The following PARD3B variants were observed in gnomAD, a reference collection of about 807,000 sequenced individuals.
The protein encoded by PARD3B is par-3 family cell polarity regulator beta.
Under a neutral mutation model 130.2 loss-of-function variants are expected in PARD3B, and 103 were observed. That is an observed-to-expected ratio of 0.79 (90% confidence interval 0.67 to 0.93). The LOEUF is 0.93. Among genes scored for constraint, PARD3B ranks in the 40% least tolerant of loss-of-function variants. The pLI, the probability that PARD3B is intolerant of heterozygous loss-of-function variation, is 0.00. For synonymous variants in PARD3B, 583 were observed against 553.2 expected, an observed-to-expected ratio of 1.05 and a Z score of -0.76; for missense variants, 1,609 against 1,499.2, an observed-to-expected ratio of 1.07 and a Z score of -1.21.
At chr2:205,069,218 T>A (rs576617734) in intron 4 of PARD3B, among the ~76,000 whole-genome samples, 1 of 152,240 alleles carries the variant, frequency 6.6e-6, no homozygotes. Context: ...TAGTAATTTT[T>A]CATTAAATCC....
chr2:204,586,553 C>T (rs544754421), intron 1 of PARD3B, among the ~76,000 whole-genome samples: 1 of 152,286 alleles, frequency 6.6e-6, no homozygotes, highest in East Asian at 1.9e-4. Flanking sequence ...AAATTGCCAA[C>T]CATGGGTCCC....
At chr2:205,313,503 C>G (rs771672711) in intron 18 of PARD3B, among the ~76,000 whole-genome samples, 7 of 152,114 alleles carry the variant, frequency 4.6e-5, no homozygotes, top group Non-Finnish European at 1.0e-4. Flanking sequence ...CCCCTCCTAC[C>G]CTATGTAATC....
chr2:204,602,561 A>G (rs1172815657), intron 1 of PARD3B, among the ~76,000 whole-genome samples: 5 of 152,074 alleles, frequency 3.3e-5, no homozygotes, highest in Non-Finnish European at 7.4e-5. Context: ...AGAGCCTTGT[A>G]CTTTAATCTG....
chr2:204,997,128 A>G (rs1295267920), intron 3 of PARD3B, among the ~76,000 whole-genome samples: 5 of 152,246 alleles, frequency 3.3e-5, no homozygotes, highest in Admixed American at 2.6e-4. Flanking sequence ...CATTCTTTCA[A>G]TTCTTGTAAT....
chr2:205,573,008 T>C (rs886287601), intron 22 of PARD3B, among the ~76,000 whole-genome samples: 2 of 152,152 alleles, frequency 1.3e-5, no homozygotes, highest in African/African-American at 2.4e-5. Context: ...CAGATCCTTC[T>C]TCACATGGCA....
chr2:205,113,157 T>A (rs1250149093), intron 5 of PARD3B, among the ~76,000 whole-genome samples: 1 of 152,160 alleles, frequency 6.6e-6, no homozygotes, highest in African/African-American at 2.4e-5. Context: ...TGTGTTTTAA[T>A]GGGGAAAATT....
At chr2:205,448,729 C>G (rs1302055608) in intron 20 of PARD3B, among the ~76,000 whole-genome samples, 1 of 152,130 alleles carries the variant, frequency 6.6e-6, no homozygotes, top group East Asian at 1.9e-4. Context: ...AATCAACACT[C>G]TTTGGGATCT....
intron 21 of PARD3B, among the ~76,000 whole-genome samples, chr2:205,533,152 G>C (rs888771187): frequency 1.3e-5 from 2 of 151,940 alleles, no homozygotes; most frequent in Non-Finnish European, 2.9e-5. Flanking sequence ...TTCACTCAAG[G>C]AAAATATTAG....
intron 14 of PARD3B, among the ~76,000 whole-genome samples, chr2:205,192,006 A>C (rs2036426068): frequency 6.6e-6 from 1 of 152,130 alleles, no homozygotes; most frequent in Non-Finnish European, 1.5e-5. Context: ...GGTGCATGCC[A>C]CCACACCTGG....
In PARD3B at chr2:205,300,859, T is replaced by A; in HGVS notation, c.2392+123T>A. Reference sequence around the variant, plus strand: ...AGGATCACAATTATATTTTTGATATTAAAAGTAATTCATTTTCCTGATATG... The same window carrying A: ...AGGATCACAATTATATTTTTGATATAAAAAGTAATTCATTTTCCTGATATG... On this transcript the variant is annotated intron_variant, in intron 17 of 22. Coordinates refer to ENST00000406610, the MANE Select transcript of PARD3B (RefSeq NM_001302769.2). This position sits in a 1 kb window ranked among gnomAD's most constrained non-coding sequence, Gnocchi z 4.1. 1.9e-6 allele frequency: 2 copies of A among 1,058,724 alleles called. No individual in the cohort carries two copies. The highest frequency in any genetic ancestry group is 2.7e-6 in the Non-Finnish European group (2 of 752,970). 65.6% of individuals were successfully genotyped at this position (1,058,724 alleles called of 1,614,324 possible).
intron 2 of PARD3B, among the ~76,000 whole-genome samples, chr2:204,808,704 G>A (rs2042860490): frequency 1.3e-5 from 2 of 152,090 alleles, no homozygotes; most frequent in Admixed American, 6.6e-5. Context: ...TGATATACAT[G>A]TACCACATTT....
chr2:205,240,096 A>G (rs898185940), intron 15 of PARD3B, among the ~76,000 whole-genome samples: 1 of 152,170 alleles, frequency 6.6e-6, no homozygotes, highest in Non-Finnish European at 1.5e-5. Context: ...CTATAGATTA[A>G]TGCAGTAATA....
chr2:204,949,823 A>G (rs368668327), intron 2 of PARD3B, among the ~76,000 whole-genome samples: 1 of 152,174 alleles, frequency 6.6e-6, no homozygotes, highest in African/African-American at 2.4e-5. Flanking sequence ...TCAGTCACCT[A>G]TTGGCCTGGG....
chr2:205,489,244 AT>A (rs1559140919), intron 20 of PARD3B, among the ~76,000 whole-genome samples: 1 of 152,108 alleles, frequency 6.6e-6, no homozygotes, highest in Non-Finnish European at 1.5e-5. Flanking sequence ...GACAATATGT[AT>A]CACACACTTA....
chr2:205,545,768 C>T (rs899030934), intron 21 of PARD3B, among the ~76,000 whole-genome samples: 7 of 152,110 alleles, frequency 4.6e-5, no homozygotes, highest in Non-Finnish European at 7.4e-5. Flanking sequence ...CATCAGCAGA[C>T]ATTTGCAGAA....
intron 4 of PARD3B, among the ~76,000 whole-genome samples, chr2:205,063,731 G>C (rs1700192266): frequency 6.6e-6 from 1 of 152,138 alleles, no homozygotes; most frequent in Non-Finnish European, 1.5e-5. Flanking sequence ...TTGTTTAGTT[G>C]TAAAGCAAAT....
intron 18 of PARD3B, among the ~76,000 whole-genome samples, chr2:205,330,026 TAAATAAATA>T (rs1239184287): frequency 1.5e-3 from 4 of 2,662 alleles, no homozygotes; most frequent in African/African-American, 4.5e-3. Context: ...AATAAATAAA[TAAATAAATA>T]AAATAAAATA....
intron 14 of PARD3B, among the ~76,000 whole-genome samples, chr2:205,186,882 G>T (rs896398349): frequency 6.6e-6 from 1 of 152,122 alleles, no homozygotes; most frequent in Non-Finnish European, 1.5e-5. Context: ...AATTGAAAAT[G>T]ACAATTTGGT....
chr2:205,274,513 A>G lies in PARD3B; in HGVS notation c.2186-26017A>G, dbSNP rs933416927. On this transcript the variant is annotated intron_variant, in intron 16 of 22. Transcript: ENST00000406610. The surrounding 1 kb of genome is among the most constrained non-coding windows in gnomAD (Gnocchi z 4.2). ...ATTAAACATTAATTATTAAATATGAATAGTATTAAATGTGTGGTACATTGC... is the reference window on the plus strand; with the variant it reads ...ATTAAACATTAATTATTAAATATGAGTAGTATTAAATGTGTGGTACATTGC... Among the ~76,000 whole-genome samples, 2 of 139,476 alleles carry G rather than the reference A, an allele frequency of 1.4e-5. No homozygotes were observed. The highest frequency in any genetic ancestry group is 5.3e-5 in the African/African-American group (2 of 37,732). 91.5% of individuals were successfully genotyped at this position (139,476 alleles called of 152,430 possible).
Sources: gnomAD v4.1 joint callset for allele counts (sites outside exome capture counted in the v4.1 genomes callset) on GRCh38, gnomAD v4.1.1 for gene constraint, Gnocchi (gnomAD v3.1) non-coding constraint, MANE v1.5 for transcripts, NCBI Gene and HGNC (gene_info 2026-07-23, HGNC 2026-07-21) for gene names.